ATIC: variants seen among roughly 807,000 people sequenced by gnomAD.
ATIC encodes 5-aminoimidazole-4-carboxamide ribonucleotide formyltransferase/IMP cyclohydrolase.
A neutral mutation model predicts 72.5 loss-of-function variants in ATIC; 64 were observed. The ratio of observed to expected loss-of-function variants is 0.88; its 90% CI spans 0.72 to 1.09. ATIC has a LOEUF of 1.09. ATIC is among the 50% of genes least tolerant of loss of function. The probability of loss-of-function intolerance (pLI) is 0.00; values close to 1 mark genes in which losing one functional copy is unlikely to be tolerated. For missense variants in ATIC, 787 were observed against 732.4 expected, an observed-to-expected ratio of 1.07 and a Z score of -0.86; for synonymous variants, 281 against 267.1, an observed-to-expected ratio of 1.05 and a Z score of -0.51.
rs537063971 is a variant in ATIC, at chr2:215,312,580, C to T, written c.102C>T (p.Ser34=). The change falls in exon 2 of 16, where the codon TCC becomes TCT. Residue 34 remains serine (S), a synonymous_variant. Coordinates refer to ENST00000236959, the MANE Select transcript of ATIC (RefSeq NM_004044.7). ...LTALGLNLVA[S]GGTAKALRDA... ...CTCTTGGTTTGAATCTGGTCGCTTC[C>T]GGAGGGACTGCAAAAGCTCTCAGGG... 4.2e-5 allele frequency: 67 copies of T among 1,614,178 alleles called. 1 individual carries two copies. Among genetic ancestry groups the T allele is most frequent in the South Asian group, 3.0e-4 (27 of 91,082 alleles).
intron 12 of ATIC, 26 bp downstream of exon 12, chr2:215,338,933 C>T: frequency 1.2e-6 from 2 of 1,611,246 alleles, no homozygotes; most frequent in Non-Finnish European, 1.7e-6. Flanking sequence ...TCTGAACTGA[C>T]TGCTAGTAAC....
chr2:215,334,789 T>G, intron 9 of ATIC, 130 bp from the exon 10 acceptor site: 1 of 722,678 alleles, frequency 1.4e-6, no homozygotes, highest in Admixed American at 2.3e-5. Flanking sequence ...CTTATTGATC[T>G]GTTAAAATCT....
At position 215,312,139 on chromosome 2, in the gene ATIC, A is replaced by C; in HGVS notation, c.-4A>C. 10 of 1,526,438 alleles carry C rather than the reference A, an allele frequency of 6.6e-6. No homozygotes were observed. Among genetic ancestry groups the C allele is most frequent in the Non-Finnish European group, 7.0e-6 (8 of 1,143,504 alleles). The allele number at this position is 1,526,438 out of a possible 1,614,324, so 94.6% of individuals were successfully genotyped here. A position where few individuals can be genotyped will look rare whatever the true frequency, so the allele number is the denominator to read the frequency against. On this transcript the variant is annotated 5_prime_UTR_variant, in exon 1 of 16. Coordinates refer to ENST00000236959, the MANE Select transcript of ATIC (RefSeq NM_004044.7). Reference sequence around the variant, plus strand: ...CGCTCGCCCTGAACCCAGTGCCTGCAGCCATGGCTCCCGGCCAGCTCGGTG... The same window carrying C: ...CGCTCGCCCTGAACCCAGTGCCTGCCGCCATGGCTCCCGGCCAGCTCGGTG...
intron 7 of ATIC, among the ~76,000 whole-genome samples, chr2:215,330,789 C>T (rs2052883873): frequency 1.3e-5 from 2 of 151,004 alleles, no homozygotes; most frequent in Non-Finnish European, 2.9e-5. Flanking sequence ...AGCAGTCCTT[C>T]CGCCTTGGCC....
downstream of ATIC, chr2:215,349,900 G>C (rs999141593): frequency 1.7e-6 from 1 of 604,044 alleles, no homozygotes; most frequent in Non-Finnish European, 2.8e-6. Context: ...AGCACTGCCC[G>C]TGTGAAACAT....
At chr2:215,347,100 A>G in intron 14 of ATIC, 159 bp downstream of exon 14, 3 of 971,570 alleles carry the variant, frequency 3.1e-6, no homozygotes, top group East Asian at 2.6e-5. Flanking sequence ...CACATTTCTC[A>G]TGTTCTTCTG....
At chr2:215,328,668 T>C (rs1368490929) in intron 7 of ATIC, among the ~76,000 whole-genome samples, 2 of 152,068 alleles carry the variant, frequency 1.3e-5, no homozygotes, top group Admixed American at 1.3e-4. Context: ...GCTGCATGTG[T>C]TTCTATTCAA....
rs2053111043 is a variant in ATIC at position 215,349,533 on chromosome 2, C to T, written c.1660-3C>T. On this transcript the variant is annotated splice_region_variant and splice_polypyrimidine_tract_variant and intron_variant, in intron 15 of 15. Transcript: ENST00000236959. ...GTTTTGAAAATCAATATACTTCCCCCAGAGTGGTGTGGCGTACATTGCGGC... is the reference window on the plus strand; with the variant it reads ...GTTTTGAAAATCAATATACTTCCCCTAGAGTGGTGTGGCGTACATTGCGGC... 6.2e-7 allele frequency: 1 copy of T among 1,613,994 alleles called. No homozygotes were observed. Among genetic ancestry groups the T allele is most frequent in the African/African-American group, 1.3e-5 (1 of 74,906 alleles).
At chr2:215,341,863 T>A (rs1168573429) in intron 12 of ATIC, among the ~76,000 whole-genome samples, 1 of 152,142 alleles carries the variant, frequency 6.6e-6, no homozygotes, top group Admixed American at 6.6e-5. Context: ...TTCCTGAGAC[T>A]GGGCAATTTA....
At chr2:215,319,107 C>T (rs1272677538) in intron 3 of ATIC, among the ~76,000 whole-genome samples, 1 of 152,128 alleles carries the variant, frequency 6.6e-6, no homozygotes, top group Non-Finnish European at 1.5e-5. Context: ...TCTCGAACAC[C>T]TGGGCTCAAG....
At chr2:215,367,637 T>C in the ATIC span, 69 of 566,664 alleles carry the variant, frequency 1.2e-4, no homozygotes, top group East Asian at 1.7e-3. Flanking sequence ...GTGTAATTAA[T>C]AGTTGTATTG....
chr2:215,332,131 C>CGTGTGTGTGT (rs71044585), intron 7 of ATIC, among the ~76,000 whole-genome samples: 104 of 142,248 alleles, frequency 7.3e-4, no homozygotes, highest in African/African-American at 1.8e-3. Context: ...GTCCTCCAGT[C>CGTGTGTGTGT]GTGTGTGTGT....
At chr2:215,345,891 A>G (rs1335430933) in intron 13 of ATIC, among the ~76,000 whole-genome samples, 2 of 152,194 alleles carry the variant, frequency 1.3e-5, no homozygotes, top group Non-Finnish European at 2.9e-5. Flanking sequence ...TGTTGGGCAG[A>G]CAGCTTAGGG....
chr2:215,359,172 C>T, the ATIC span, among the ~76,000 whole-genome samples: 2 of 152,220 alleles, frequency 1.3e-5, no homozygotes, highest in Admixed American at 1.3e-4. Context: ...GTGTGAACCA[C>T]CCTTCCCGGC....
At chr2:215,331,263 C>T (rs1291516835) in intron 7 of ATIC, among the ~76,000 whole-genome samples, 1 of 151,896 alleles carries the variant, frequency 6.6e-6, no homozygotes, top group Non-Finnish European at 1.5e-5. Context: ...CTGATGTATC[C>T]TGAATACCTA....
At chr2:215,340,407 T>C (rs2053006622) in intron 12 of ATIC, among the ~76,000 whole-genome samples, 1 of 152,212 alleles carries the variant, frequency 6.6e-6, no homozygotes, top group Non-Finnish European at 1.5e-5. Flanking sequence ...TGAAGGATGT[T>C]TGTCCTAGGT....
the ATIC span, chr2:215,361,425 G>A: frequency 2.8e-3 from 2,187 of 788,092 alleles, 40 homozygotes; most frequent in African/African-American, 0.033. Flanking sequence ...AGCTGAAGCT[G>A]GAGAACTTCC....
the ATIC span, chr2:215,367,650 A>G: frequency 1.7e-6 from 1 of 605,026 alleles, no homozygotes; most frequent in South Asian, 1.9e-5. Context: ...TTGTATTGGC[A>G]TACAACCCTT....
At chr2:215,313,092 G>GT (rs1208984597) in intron 2 of ATIC, among the ~76,000 whole-genome samples, 1 of 152,118 alleles carries the variant, frequency 6.6e-6, no homozygotes, top group Non-Finnish European at 1.5e-5. Context: ...GAAAGACCCT[G>GT]GACAACACAC....
Sources: gnomAD v4.1 joint callset for allele counts (sites outside exome capture counted in the v4.1 genomes callset) on GRCh38, gnomAD v4.1.1 for gene constraint, MANE v1.5 for transcripts, NCBI Gene and HGNC (gene_info 2026-07-23, HGNC 2026-07-21) for gene names.